Variants in HCRTR2 observed in about 807,000 individuals in gnomAD.
HCRTR2 encodes orexin receptor type 2.
In HCRTR2, 22 loss-of-function variants were observed where a neutral mutation model predicts 49.0. The ratio of observed to expected loss-of-function variants is 0.45; its 90% CI spans 0.32 to 0.64. The LOEUF (loss-of-function observed/expected upper bound fraction) is 0.64. Ranked by LOEUF, HCRTR2 falls within the 30% of genes least tolerant of loss-of-function variation. HCRTR2 has a pLI of 0.04. For missense variants in HCRTR2, 491 were observed against 559.4 expected, an observed-to-expected ratio of 0.88 and a Z score of 1.23; for synonymous variants, 236 against 205.3, an observed-to-expected ratio of 1.15 and a Z score of -1.28.
intron 1 of HCRTR2, among the ~76,000 whole-genome samples, chr6:55,216,674 T>C (rs1765793183): frequency 6.6e-6 from 1 of 152,222 alleles, no homozygotes; most frequent in South Asian, 2.1e-4. Context: ...TCTGCCCCTA[T>C]GGCTTTGCTG....
chr6:55,234,306 G>C (rs1766173645), intron 1 of HCRTR2, among the ~76,000 whole-genome samples: 1 of 151,982 alleles, frequency 6.6e-6, no homozygotes, highest in African/African-American at 2.4e-5. Flanking sequence ...GTTTAGAATG[G>C]AACACCTGAC....
chr6:55,258,983 G>A (rs1028143147), intron 3 of HCRTR2, among the ~76,000 whole-genome samples: 6 of 152,034 alleles, frequency 3.9e-5, no homozygotes, highest in African/African-American at 1.2e-4. Context: ...ACCGAAAGGC[G>A]GAGGTTGCAG....
At chr6:55,126,307 G>T (rs1764275669) in intron 1 of HCRTR2, among the ~76,000 whole-genome samples, 2 of 152,052 alleles carry the variant, frequency 1.3e-5, no homozygotes, top group African/African-American at 4.8e-5. Flanking sequence ...GTCTTTGAGT[G>T]AGCCTGCTAT....
At chr6:55,253,634 C>G (rs1477546857) in intron 2 of HCRTR2, among the ~76,000 whole-genome samples, 2 of 152,092 alleles carry the variant, frequency 1.3e-5, no homozygotes, top group African/African-American at 4.8e-5. Flanking sequence ...ACCTAAATGC[C>G]CATCAATGAT....
intron 1 of HCRTR2, among the ~76,000 whole-genome samples, chr6:55,241,135 A>G (rs1158251538): frequency 2.6e-5 from 2 of 78,242 alleles, no homozygotes; most frequent in African/African-American, 5.2e-5. Flanking sequence ...CCCCCACCCC[A>G]CAACAGTCCC....
intron 1 of HCRTR2, among the ~76,000 whole-genome samples, chr6:55,221,720 G>A (rs571711232): frequency 1.1e-4 from 16 of 152,038 alleles, no homozygotes; most frequent in Admixed American, 9.2e-4. Flanking sequence ...GGCTGAGGCA[G>A]GAGAATGGCG....
chr6:55,247,945 A>G (rs1397341121), intron 1 of HCRTR2, among the ~76,000 whole-genome samples: 1 of 152,140 alleles, frequency 6.6e-6, no homozygotes, highest in African/African-American at 2.4e-5. Context: ...AAAGACCACA[A>G]GCATTGGAGC....
intron 5 of HCRTR2, 30 bp downstream of exon 5, chr6:55,277,630 A>C: frequency 6.7e-7 from 1 of 1,488,758 alleles, no homozygotes. Flanking sequence ...TGAAAATGAA[A>C]TAGCCTGCCT....
At chr6:55,162,343 C>T (rs1352795194) in intron 1 of HCRTR2, among the ~76,000 whole-genome samples, 1 of 151,980 alleles carries the variant, frequency 6.6e-6, no homozygotes, top group African/African-American at 2.4e-5. Context: ...TATTTTAAAA[C>T]AATAAGAGCT....
chr6:55,111,769 G>A (rs771826159), intron 1 of HCRTR2, among the ~76,000 whole-genome samples: 1 of 151,664 alleles, frequency 6.6e-6, no homozygotes, highest in African/African-American at 2.4e-5. Flanking sequence ...AAAAGATAGA[G>A]GAAATCCTCC....
intron 1 of HCRTR2, among the ~76,000 whole-genome samples, chr6:55,162,093 A>G (rs1315600341): frequency 6.6e-6 from 1 of 152,198 alleles, no homozygotes; most frequent in East Asian, 1.9e-4. Flanking sequence ...CCTCAATAAA[A>G]TACTGGCAAA....
intron 1 of HCRTR2, among the ~76,000 whole-genome samples, chr6:55,188,416 T>C (rs867280143): frequency 1.3e-5 from 2 of 152,188 alleles, no homozygotes; most frequent in Admixed American, 1.3e-4. Context: ...GCATCAGCAA[T>C]AATAGAAATA....
chr6:55,132,132 T>C (rs1024827765), intron 1 of HCRTR2, among the ~76,000 whole-genome samples: 3 of 151,894 alleles, frequency 2.0e-5, no homozygotes, highest in Non-Finnish European at 4.4e-5. Flanking sequence ...AATTTTATAT[T>C]TTTGAATAAA....
At chr6:55,252,673 C>T (rs955293029) in intron 2 of HCRTR2, among the ~76,000 whole-genome samples, 1 of 152,052 alleles carries the variant, frequency 6.6e-6, no homozygotes, top group Non-Finnish European at 1.5e-5. Flanking sequence ...CTAGGAGTCA[C>T]TAATCAACTT....
chr6:55,186,372 T>A (rs1178714586), intron 1 of HCRTR2, among the ~76,000 whole-genome samples: 1 of 152,184 alleles, frequency 6.6e-6, no homozygotes, highest in African/African-American at 2.4e-5. Context: ...TTTTGTTTTA[T>A]ACCTTGAGTA....
intron 4 of HCRTR2, among the ~76,000 whole-genome samples, chr6:55,270,146 A>T (rs905037963): frequency 7.2e-5 from 11 of 152,184 alleles, no homozygotes; most frequent in African/African-American, 2.7e-4. Context: ...TTTTGTATTT[A>T]AAAAGATGCA....
At chr6:55,283,863 A>C (rs935751685), downstream of HCRTR2, among the ~76,000 whole-genome samples, 3 of 152,190 alleles carry the variant, frequency 2.0e-5, no homozygotes, top group Non-Finnish European at 4.4e-5. Flanking sequence ...ACTTGTTTTC[A>C]AATCTTGGAA....
At chr6:55,251,806 G>C (rs1387444662) in intron 2 of HCRTR2, among the ~76,000 whole-genome samples, 1 of 151,856 alleles carries the variant, frequency 6.6e-6, no homozygotes, top group Non-Finnish European at 1.5e-5. Context: ...CTGTGCGAAG[G>C]GTGCCCATAG....
At chr6:55,154,699 G>GATAAATAA (rs143802042) in intron 1 of HCRTR2, among the ~76,000 whole-genome samples, 1 of 146,792 alleles carries the variant, frequency 6.8e-6, no homozygotes, top group Non-Finnish European at 1.5e-5. Context: ...TAAATAAATA[G>GATAAATAA]ATAAATAAAT....
Sources: allele counts gnomAD v4.1 joint callset (sites outside exome capture counted in the v4.1 genomes callset), GRCh38; gene constraint gnomAD v4.1.1; transcripts MANE v1.5; gene names NCBI Gene and HGNC (gene_info 2026-07-23, HGNC 2026-07-21).